THSD1: variants seen among roughly 807,000 people sequenced by gnomAD.
THSD1 encodes the protein thrombospondin type 1 domain containing 1.
Under a neutral mutation model 46.3 loss-of-function variants are expected in THSD1, and 34 were observed. That is an observed-to-expected ratio of 0.74 (90% CI 0.56 to 0.98). The LOEUF is 0.98. Among genes scored for constraint, THSD1 ranks in the 50% least tolerant of loss-of-function variants. THSD1 has a pLI of 0.00. For missense variants in THSD1, 1,023 were observed against 1,058.3 expected (o/e 0.97, Z 0.46); for synonymous variants, 407 against 416.5 (o/e 0.98, Z 0.28).
At position 52,378,447 on chromosome 13, in the gene THSD1, T is replaced by C; in HGVS notation, c.1523A>G (p.Asp508Gly). 6.2e-7 allele frequency: 1 copy of C among 1,614,148 alleles called. No homozygotes were observed. The highest frequency in any genetic ancestry group is 1.1e-5 in the South Asian group (1 of 91,078). Residue 508 changes from aspartate to glycine, a missense_variant, in exon 5 of 5, where the codon GAT (aspartate) becomes GGT (glycine). Around this residue, in one of 3 missense-constraint regions of THSD1, gnomAD observed 578 missense variants for 497.4 expected, o/e 1.16. Transcript: ENST00000258613. Reference sequence around the variant, plus strand: ...GAAGCTCTCGCTGCCAGAGGCATCATCCTCGGGAGGTACCGGCCCGCTCCG... The same window carrying C: ...GAAGCTCTCGCTGCCAGAGGCATCACCCTCGGGAGGTACCGGCCCGCTCCG... ...YRRSGPVPPEDDASGSESFQS... is the reference protein window; with the variant it reads ...YRRSGPVPPEGDASGSESFQS...
At chr13:52,384,693 A>G (rs1957717655) in intron 4 of THSD1, among the ~76,000 whole-genome samples, 1 of 152,222 alleles carries the variant, frequency 6.6e-6, no homozygotes, top group African/African-American at 2.4e-5. Context: ...TCTGAGTGTT[A>G]TGGAACTCAG....
At chr13:52,389,271 A>C (rs1375005738) in intron 3 of THSD1, among the ~76,000 whole-genome samples, 1 of 152,194 alleles carries the variant, frequency 6.6e-6, no homozygotes, top group Non-Finnish European at 1.5e-5. Flanking sequence ...CCCACTAAAT[A>C]CATTTTTAAG....
Position 52,378,653 on chromosome 13 carries a change from G to A in THSD1, c.1317C>T (p.Phe439=). Residue 439 remains phenylalanine, a synonymous_variant, in exon 5 of 5, where the codon TTC becomes TTT. Coordinates refer to ENST00000258613, the MANE Select transcript of THSD1 (RefSeq NM_018676.4). The part of the protein sequence containing the change: ...ATVLITLWRR[F]GRPAKCSTPA... The stretch of plus-strand genomic sequence containing the variant: ...GTGTGCTGCACTTGGCTGGCCGGCC[G>A]AACCTCCTCCACAGCGTGATGAGCA... The A allele has an allele frequency of 1.2e-6, 2 of 1,614,066 alleles. No individual in the cohort carries two copies. The highest frequency in any genetic ancestry group is 1.7e-6 in the Non-Finnish European group (2 of 1,180,020).
chr13:52,402,801 G>T, intron 1 of THSD1, 120 bp from the exon 2 acceptor site: 9 of 1,365,608 alleles, frequency 6.6e-6, no homozygotes, highest in Non-Finnish European at 8.5e-6. Flanking sequence ...AAGGAAACTA[G>T]AGAGGACACT....
At chr13:52,383,616 T>A (rs1957708545) in intron 4 of THSD1, among the ~76,000 whole-genome samples, 1 of 152,222 alleles carries the variant, frequency 6.6e-6, no homozygotes, top group Admixed American at 6.5e-5. Flanking sequence ...AAATCACAGC[T>A]GGAGAAAAGC....
At chr13:52,404,136 C>T (rs987781998) in intron 1 of THSD1, among the ~76,000 whole-genome samples, 7 of 151,478 alleles carry the variant, frequency 4.6e-5, no homozygotes, top group East Asian at 2.0e-4. Flanking sequence ...TTAGTAGAAA[C>T]GGTGTTTCAC....
intron 1 of THSD1, among the ~76,000 whole-genome samples, chr13:52,404,080 G>A (rs772304954): frequency 4.0e-5 from 6 of 151,236 alleles, no homozygotes; most frequent in East Asian, 3.9e-4. Flanking sequence ...TCTGAGTAGC[G>A]GGGATTATAG....
Position 52,378,287 on chromosome 13 carries a change from G to A in THSD1, c.1683C>T (p.Asp561=), listed in dbSNP as rs1957656353. The A allele has an allele frequency of 1.2e-6, 2 of 1,614,232 alleles. No homozygotes were observed. Among genetic ancestry groups the A allele is most frequent in the East Asian group, 4.5e-5 (2 of 44,880 alleles). ...VYHVSQSPLT[D]TAIDAAPSAP... is the part of the protein sequence containing the mutation. ...CGCTGGGGGCCGCATCAATGGCAGT[G>A]TCTGTCAGGGGACTCTGAGACACGT... Residue 561 remains aspartate, a synonymous_variant, in exon 5 of 5, where the codon GAC becomes GAT. Transcript: ENST00000258613.
In THSD1 at chr13:52,403,928, C is replaced by G. The variant is rs182457624; in HGVS notation, c.-81-1247G>C. Among the ~76,000 whole-genome samples, 84 of 149,276 alleles carry G rather than the reference C, an allele frequency of 5.6e-4. 1 individual carries two copies. The East Asian group carries it at 0.014, about 24-fold the overall frequency. ...CTTTCTTAATGTTTAAGGTCCCCCC[C>G]ATTATTCACATTTTTTTTTTTTTTT... On this transcript the variant is annotated intron_variant, in intron 1 of 4. Coordinates refer to ENST00000258613, the MANE Select transcript of THSD1 (RefSeq NM_018676.4).
In THSD1 at chr13:52,378,240, G is replaced by C. The variant is rs777478888; in HGVS notation, c.1730C>G (p.Pro577Arg). The change falls in exon 5 of 5, where the codon CCG becomes CGG. Residue 577 changes from proline (P) to arginine (R), a missense_variant. Transcript: ENST00000258613. ...APSAPLDLES[P>R]EEAAANKFRI... is the part of the protein sequence containing the mutation. ...GAACTTGTTTGCTGCAGCTTCTTCC[G>C]GGCTTTCCAAATCTAAGGGAGCGCT... 8 of 1,614,056 alleles carry C rather than the reference G, an allele frequency of 5.0e-6. No homozygotes were observed. The highest frequency in any genetic ancestry group is 2.2e-5 in the South Asian group (2 of 91,086).
chr13:52,378,008 C>T lies in THSD1; in HGVS notation c.1962G>A (p.Ala654=). The T allele has an allele frequency of 3.7e-6, 6 of 1,614,160 alleles. No homozygotes were observed. Among genetic ancestry groups the T allele is most frequent in the Non-Finnish European group, 5.1e-6 (6 of 1,180,042 alleles). ...GGGCCTGCCTGGCTTCATGGAAACT[C>T]GCTGTCCTCCTGAAATGGGCGTTCC... ...HARNAHFRRT[A]SFHEARQARP... is the part of the protein sequence containing the mutation. Residue 654 remains alanine (A), a synonymous_variant, in exon 5 of 5, where the codon GCG becomes GCA. Coordinates refer to ENST00000258613, the MANE Select transcript of THSD1 (RefSeq NM_018676.4).
At chr13:52,384,453 C>G (rs551479918) in intron 4 of THSD1, 1 of 455,778 alleles carries the variant, frequency 2.2e-6, no homozygotes, top group African/African-American at 2.0e-5. Context: ...AATATGCCTA[C>G]TTTATGTGTG....
chr13:52,398,249 T>C, intron 2 of THSD1, 55 bp from the exon 3 acceptor site: 1 of 1,545,294 alleles, frequency 6.5e-7, no homozygotes, highest in South Asian at 1.3e-5. Flanking sequence ...GAAGAACTAT[T>C]AGTGACATTG....
intron 3 of THSD1, among the ~76,000 whole-genome samples, chr13:52,387,358 A>G (rs9536054): frequency 0.039 from 5,903 of 152,320 alleles, 139 homozygotes; most frequent in South Asian, 0.069. Context: ...AAACAGAGGT[A>G]TGACCATTTC....
In THSD1 at chr13:52,378,798, A is replaced by AC. The variant is rs1566959777; in HGVS notation, c.1181-10_1181-9insG. 2.6e-6 allele frequency: 4 copies of AC among 1,556,394 alleles called. No homozygotes were observed. The South Asian group carries it at 4.7e-5, about 18-fold the overall frequency. On this transcript the variant is annotated splice_polypyrimidine_tract_variant and intron_variant, in intron 4 of 4. Coordinates refer to ENST00000258613, the MANE Select transcript of THSD1 (RefSeq NM_018676.4). The stretch of plus-strand genomic sequence containing the variant: ...GCTGGATGGCTGGAAAGCTGCAAAA[A>AC]AAAACAAAACAAAACAAACAAACAA...
intron 4 of THSD1, chr13:52,384,316 A>G: frequency 8.9e-6 from 4 of 449,654 alleles, no homozygotes; most frequent in South Asian, 4.7e-5. Flanking sequence ...TATAAAGGCA[A>G]GGTATTCAAG....
intron 4 of THSD1, among the ~76,000 whole-genome samples, chr13:52,379,742 G>C (rs917411339): frequency 6.6e-6 from 1 of 152,016 alleles, no homozygotes; most frequent in Non-Finnish European, 1.5e-5. Context: ...CAAAGTGCTG[G>C]GATTACAGGT....
At position 52,378,548 on chromosome 13, in the gene THSD1, C is replaced by A. The variant is rs527502554; in HGVS notation, c.1422G>T (p.Gln474His). ...DEENICELSEQRGSFSDGGDG... is the reference protein window; with the variant it reads ...DEENICELSEHRGSFSDGGDG... Reference sequence around the variant, plus strand: ...CTCCCCCATCCGAGAAGCTCCCGCGCTGCTCGCTCAGCTCGCAGATATTCT... The same window carrying A: ...CTCCCCCATCCGAGAAGCTCCCGCGATGCTCGCTCAGCTCGCAGATATTCT... Residue 474 changes from glutamine (Q) to histidine (H), a missense_variant, in exon 5 of 5, where the codon CAG (glutamine) becomes CAT (histidine). Gln to His is a conservative substitution (Grantham distance 24). Transcript: ENST00000258613. 1 of 1,614,070 alleles carries A rather than the reference C, an allele frequency of 6.2e-7. No individual in the cohort carries two copies. Among genetic ancestry groups the A allele is most frequent in the African/African-American group, 1.3e-5 (1 of 74,938 alleles).
intron 3 of THSD1, among the ~76,000 whole-genome samples, chr13:52,395,187 C>T (rs1343433756): frequency 6.6e-6 from 1 of 152,144 alleles, no homozygotes; most frequent in Admixed American, 6.5e-5. Flanking sequence ...TTTAAACAAT[C>T]CCTTTGGCTG....
Sources: allele counts gnomAD v4.1 joint callset (sites outside exome capture counted in the v4.1 genomes callset), GRCh38; gene constraint gnomAD v4.1.1; regional missense constraint gnomAD v4.1.1; transcripts MANE v1.5; gene names NCBI Gene and HGNC (gene_info 2026-07-23, HGNC 2026-07-21).